Variants in IMPG2 observed in about 807,000 individuals in gnomAD.
IMPG2 encodes the protein IPM 200.
Under a neutral mutation model 129.2 loss-of-function variants are expected in IMPG2, and 91 were observed. The ratio of observed to expected loss-of-function variants is 0.70; its 90% confidence interval spans 0.59 to 0.84. The LOEUF (loss-of-function observed/expected upper bound fraction) is 0.84, where lower values mean the gene tolerates loss of function less well. Ranked by LOEUF, IMPG2 falls within the 40% of genes least tolerant of loss-of-function variation. The pLI, the probability that IMPG2 is intolerant of heterozygous loss-of-function variation, is 0.00. For missense variants in IMPG2, 1,430 were observed against 1,461.7 expected, an observed-to-expected ratio of 0.98 and a Z score of 0.35; for synonymous variants, 510 against 517.7, an observed-to-expected ratio of 0.99 and a Z score of 0.20.
intron 11 of IMPG2, among the ~76,000 whole-genome samples, chr3:101,246,809 A>G (rs373369540): frequency 6.6e-6 from 1 of 152,224 alleles, no homozygotes; most frequent in African/African-American, 2.4e-5. Flanking sequence ...GTCTATGTAA[A>G]TGTACAATGA....
chr3:101,232,978 G>T lies in IMPG2; in HGVS notation c.3036C>A (p.Asn1012Lys). 1 of 1,613,958 alleles carries T rather than the reference G, an allele frequency of 6.2e-7. No homozygotes were observed. Residue 1012 changes from asparagine (N) to lysine (K), a missense_variant, in exon 15 of 19, where the codon AAC becomes AAA. Physicochemically the swap from Asn to Lys is moderately conservative, Grantham distance 94 (BLOSUM62 0). Transcript: ENST00000193391. ...CATTACAGGCCTGAAACTTGCAAGG[G>T]TTGGCTTCATCACCTAAAACATTAA... ...SLDVESGDEANPCKFQACNEF... is the reference protein window; with the variant it reads ...SLDVESGDEAKPCKFQACNEF...
intron 4 of IMPG2, among the ~76,000 whole-genome samples, chr3:101,289,254 G>A (rs1706979753): frequency 6.6e-6 from 1 of 152,020 alleles, no homozygotes; most frequent in African/African-American, 2.4e-5. Context: ...TGTTGTTATT[G>A]TAATAATTAA....
Position 101,319,836 on chromosome 3 carries a change from CAGA to C in IMPG2, c.86-7_86-5del. ...TCTATAGATAAGTAGGTTTGTGCTACAGAGTGAAAGTATAGTCAAGTCTTCGAT... is the reference window on the plus strand; with the variant it reads ...TCTATAGATAAGTAGGTTTGTGCTACGTGAAAGTATAGTCAAGTCTTCGAT... On this transcript the variant is annotated splice_polypyrimidine_tract_variant and splice_region_variant and intron_variant, in intron 1 of 18. Transcript: ENST00000193391. The C allele has an allele frequency of 6.2e-7, 1 of 1,610,376 alleles. No homozygotes were observed. The highest frequency in any genetic ancestry group is 8.5e-7 in the Non-Finnish European group (1 of 1,179,302).
intron 3 of IMPG2, among the ~76,000 whole-genome samples, chr3:101,298,087 T>C (rs1010367390): frequency 6.6e-6 from 1 of 152,260 alleles, no homozygotes; most frequent in African/African-American, 2.4e-5. Context: ...TGCTTCTATA[T>C]TGGGTGCATA....
At chr3:101,261,252 C>G (rs1706666941) in intron 9 of IMPG2, among the ~76,000 whole-genome samples, 1 of 151,838 alleles carries the variant, frequency 6.6e-6, no homozygotes, top group South Asian at 2.1e-4. Context: ...GTAAACATGA[C>G]TCTAAGATAA....
intron 9 of IMPG2, among the ~76,000 whole-genome samples, chr3:101,267,048 G>T (rs1349966348): frequency 6.6e-6 from 1 of 152,076 alleles, no homozygotes; most frequent in African/African-American, 2.4e-5. Context: ...TGGACTGGAG[G>T]ACATTTTGTT....
intron 4 of IMPG2, 139 bp from the exon 5 acceptor site, chr3:101,276,852 G>C (rs953191504): frequency 1.5e-6 from 1 of 649,312 alleles, no homozygotes; most frequent in African/African-American, 1.9e-5. Flanking sequence ...AAAAAGCAAA[G>C]TTTTTTAAAA....
chr3:101,311,552 T>G (rs1559660630), intron 2 of IMPG2, among the ~76,000 whole-genome samples: 1 of 152,108 alleles, frequency 6.6e-6, no homozygotes, highest in Non-Finnish European at 1.5e-5. Flanking sequence ...CAAAAAATTA[T>G]TTTAAAAAAT....
At chr3:101,234,054 AG>A (rs990641678) in intron 14 of IMPG2, among the ~76,000 whole-genome samples, 4 of 151,764 alleles carry the variant, frequency 2.6e-5, no homozygotes, top group Non-Finnish European at 5.9e-5. Flanking sequence ...ATGTGGTAAC[AG>A]GGGAAATGTA....
At chr3:101,253,580 A>T in intron 11 of IMPG2, 116 bp downstream of exon 11, 1 of 753,736 alleles carries the variant, frequency 1.3e-6, no homozygotes, top group Non-Finnish European at 2.3e-6. Flanking sequence ...GGATGATGCA[A>T]GAGAATAATT....
At chr3:101,289,909 G>A (rs1045864004) in intron 4 of IMPG2, among the ~76,000 whole-genome samples, 3 of 150,206 alleles carry the variant, frequency 2.0e-5, no homozygotes, top group African/African-American at 7.4e-5. Context: ...AGAAGAGAAG[G>A]AAGGGAGAAA....
intron 9 of IMPG2, among the ~76,000 whole-genome samples, chr3:101,260,883 C>T (rs1199505500): frequency 2.0e-5 from 3 of 152,156 alleles, no homozygotes; most frequent in African/African-American, 7.2e-5. Flanking sequence ...CAGTTCAATA[C>T]ATACTTGTGA....
intron 4 of IMPG2, among the ~76,000 whole-genome samples, chr3:101,288,984 C>T (rs764715919): frequency 2.6e-5 from 4 of 152,176 alleles, no homozygotes; most frequent in Non-Finnish European, 4.4e-5. Context: ...GATTATACTA[C>T]ATACACGCTT....
intron 16 of IMPG2, among the ~76,000 whole-genome samples, chr3:101,230,232 T>C (rs535082905): frequency 6.6e-6 from 1 of 152,192 alleles, no homozygotes; most frequent in Non-Finnish European, 1.5e-5. Flanking sequence ...AGACCTCAAG[T>C]TGTAGCTCTT....
intron 11 of IMPG2, among the ~76,000 whole-genome samples, chr3:101,253,256 T>C (rs1175118531): frequency 6.6e-6 from 1 of 152,156 alleles, no homozygotes; most frequent in Non-Finnish European, 1.5e-5. Context: ...CTCCCTTCCA[T>C]ACACACACTG....
At position 101,297,805 on chromosome 3, in the gene IMPG2, T is replaced by C. The variant is rs575537293; in HGVS notation, c.502-6295A>G. Among the ~76,000 whole-genome samples the C allele has an allele frequency of 2.2e-3, 340 of 152,312 alleles. 1 individual carries two copies. Among genetic ancestry groups the C allele is most frequent in the Non-Finnish European group, 3.1e-3 (209 of 68,026 alleles). Reference sequence around the variant, plus strand: ...CAGTTCTTTCACATTTGTTGAGGAGTGTTTTACTTCCAGTTACGTGATCAA... The same window carrying C: ...CAGTTCTTTCACATTTGTTGAGGAGCGTTTTACTTCCAGTTACGTGATCAA... On this transcript the variant is annotated intron_variant, in intron 3 of 18. Transcript: ENST00000193391.
intron 3 of IMPG2, among the ~76,000 whole-genome samples, chr3:101,293,301 C>T (rs772802716): frequency 1.3e-5 from 2 of 152,138 alleles, no homozygotes; most frequent in Admixed American, 6.5e-5. Flanking sequence ...ATTGTATTGG[C>T]AGGCATGAAA....
intron 6 of IMPG2, among the ~76,000 whole-genome samples, chr3:101,274,406 T>G (rs1373331086): frequency 6.6e-6 from 1 of 152,142 alleles, no homozygotes; most frequent in East Asian, 1.9e-4. Context: ...AGAATAAAGA[T>G]GTTGAAAAAC....
intron 11 of IMPG2, among the ~76,000 whole-genome samples, chr3:101,246,605 T>C (rs958623872): frequency 2.0e-5 from 3 of 152,176 alleles, no homozygotes; most frequent in Non-Finnish European, 4.4e-5. Context: ...CATCAAAATG[T>C]AGTCTGGTTA....
Sources: allele counts gnomAD v4.1 joint callset (sites outside exome capture counted in the v4.1 genomes callset), GRCh38; gene constraint gnomAD v4.1.1; transcripts MANE v1.5; gene names NCBI Gene and HGNC (gene_info 2026-07-23, HGNC 2026-07-21).